Variants in PALS2 observed in about 807,000 individuals in gnomAD.
PALS2 encodes protein PALS2.
In PALS2, 27 loss-of-function variants were observed where a neutral mutation model predicts 61.6. The observed-to-expected ratio is 0.44, with a 90% confidence interval of 0.32 to 0.60. The LOEUF (loss-of-function observed/expected upper bound fraction) is 0.60. Among genes scored for constraint, PALS2 ranks in the 20% least tolerant of loss-of-function variants. The pLI, the probability that PALS2 is intolerant of heterozygous loss-of-function variation, is 0.05. For missense variants in PALS2, 554 were observed against 639.4 expected, an observed-to-expected ratio of 0.87 and a Z score of 1.44; for synonymous variants, 236 against 218.6, an observed-to-expected ratio of 1.08 and a Z score of -0.70.
intron 1 of PALS2, among the ~76,000 whole-genome samples, chr7:24,616,127 A>G (rs1394583855): frequency 6.6e-6 from 1 of 152,142 alleles, no homozygotes; most frequent in African/African-American, 2.4e-5. Context: ...TTTTCCTGTA[A>G]GGACTGGAAC....
At chr7:24,595,578 AAT>A (rs1400415731) in intron 1 of PALS2, among the ~76,000 whole-genome samples, 1 of 139,196 alleles carries the variant, frequency 7.2e-6, no homozygotes, top group Non-Finnish European at 1.5e-5. Flanking sequence ...AATATATATA[AAT>A]ATATATAAAT....
intron 2 of PALS2, 148 bp downstream of exon 2, chr7:24,623,932 CAT>C: frequency 1.0e-6 from 1 of 967,042 alleles, no homozygotes; most frequent in Non-Finnish European, 1.5e-6. Context: ...GAAATCTTAA[CAT>C]ATGCAAAAAT....
rs761028203 is a variant in PALS2, at chr7:24,641,801, C to T, written c.203C>T (p.Thr68Ile). 3 of 1,612,904 alleles carry T rather than the reference C, an allele frequency of 1.9e-6. No individual in the cohort carries two copies. The highest frequency in any genetic ancestry group is 2.5e-6 in the Non-Finnish European group (3 of 1,179,298). Residue 68 changes from threonine (T) to isoleucine (I), a missense_variant, in exon 3 of 12, where the codon ACT becomes ATT. Transcript: ENST00000222644. ...GTCAATGAAATTCTTGAAGACATCA[C>T]TCCTCTAATAAATGTGGATGAAAAT... ...ELVNEILEDI[T>I]PLINVDENVA...
At chr7:24,581,597 C>T (rs922259586) in intron 1 of PALS2, among the ~76,000 whole-genome samples, 1 of 152,114 alleles carries the variant, frequency 6.6e-6, no homozygotes, top group Non-Finnish European at 1.5e-5. Context: ...TGAACAATCT[C>T]CAGGAATATT....
intron 8 of PALS2, among the ~76,000 whole-genome samples, chr7:24,667,465 AACTT>A (rs1787082189): frequency 6.6e-6 from 1 of 152,268 alleles, no homozygotes; most frequent in East Asian, 1.9e-4. Context: ...TGTTCTGTGG[AACTT>A]ACTTAAGCAA....
At chr7:24,580,417 A>G (rs1782796210) in intron 1 of PALS2, among the ~76,000 whole-genome samples, 1 of 152,222 alleles carries the variant, frequency 6.6e-6, no homozygotes, top group Admixed American at 6.5e-5. Context: ...AAATCATTCA[A>G]CAAAGCTTTT....
intron 6 of PALS2, among the ~76,000 whole-genome samples, 153 bp from the exon 7 acceptor site, chr7:24,665,435 A>G (rs1013480691): frequency 6.6e-6 from 1 of 152,192 alleles, no homozygotes; most frequent in Non-Finnish European, 1.5e-5. Context: ...GAATTGTTTA[A>G]ATATCTTAAC....
intron 2 of PALS2, among the ~76,000 whole-genome samples, chr7:24,635,849 T>C (rs1026660099): frequency 6.6e-5 from 10 of 152,324 alleles, no homozygotes; most frequent in African/African-American, 2.4e-4. Flanking sequence ...AGTTATGCTG[T>C]AATGTGTAAT....
At position 24,607,308 on chromosome 7, in the gene PALS2, A is replaced by G. The variant is rs573871776; in HGVS notation, c.-2-16358A>G. ...GAAGCAATTCATTATTATTATTCTA[A>G]CATATAATGAAATGAAGCCCTCTTA... On this transcript the variant is annotated intron_variant, in intron 1 of 11. Transcript: ENST00000222644. Among the ~76,000 whole-genome samples the G allele has an allele frequency of 1.2e-3, 179 of 152,192 alleles. 1 individual carries two copies. The highest frequency in any genetic ancestry group is 0.01 in the Middle Eastern group (3 of 294).
chr7:24,677,722 C>T (rs1252796269), intron 9 of PALS2, among the ~76,000 whole-genome samples: 2 of 152,184 alleles, frequency 1.3e-5, no homozygotes, highest in South Asian at 2.1e-4. Context: ...ATTCCAGAAA[C>T]CTTAAAGATC....
At chr7:24,594,090 T>C (rs916589438) in intron 1 of PALS2, among the ~76,000 whole-genome samples, 8 of 152,146 alleles carry the variant, frequency 5.3e-5, no homozygotes, top group African/African-American at 1.7e-4. Flanking sequence ...AGCTTCTACA[T>C]TGGCACTTGC....
In PALS2 at chr7:24,680,620, G is replaced by C. The variant is rs532694262; in HGVS notation, c.1446+100G>C. 8.6e-6 allele frequency: 12 copies of C among 1,391,930 alleles called. No homozygotes were observed. The East Asian group carries it at 2.1e-4, about 25-fold the overall frequency. 86.2% of individuals were successfully genotyped at this position (1,391,930 alleles called of 1,614,324 possible). ...TTTTTATTTATTTATTTTTGAGGCA[G>C]AGTTTTGCTTTGTCACCCAGGCTGG... On this transcript the variant is annotated intron_variant, in intron 11 of 11. Coordinates refer to ENST00000222644, the MANE Select transcript of PALS2 (RefSeq NM_001303037.2).
intron 4 of PALS2, 139 bp from the exon 5 acceptor site, chr7:24,650,346 T>C (rs1387689511): frequency 1.4e-5 from 10 of 714,136 alleles, no homozygotes; most frequent in East Asian, 2.7e-5. Flanking sequence ...GAGTGAAATA[T>C]TGAGACAGGA....
chr7:24,678,475 G>C (rs555712217), intron 9 of PALS2, among the ~76,000 whole-genome samples: 13 of 152,308 alleles, frequency 8.5e-5, no homozygotes, highest in African/African-American at 3.1e-4. Context: ...GAAGCTAAAA[G>C]CGTTGGTTTT....
intron 2 of PALS2, among the ~76,000 whole-genome samples, chr7:24,641,003 A>T (rs997384252): frequency 1.1e-5 from 1 of 89,546 alleles, no homozygotes; most frequent in African/African-American, 5.9e-5. Flanking sequence ...GCGAGACTCC[A>T]TCTCAAAAAA....
intron 1 of PALS2, among the ~76,000 whole-genome samples, chr7:24,588,888 A>G (rs1783174633): frequency 6.6e-6 from 1 of 152,220 alleles, no homozygotes; most frequent in African/African-American, 2.4e-5. Flanking sequence ...TGTTTTTAGA[A>G]AAACAGTTTA....
chr7:24,641,998 A>C, intron 3 of PALS2, 130 bp downstream of exon 3: 1 of 987,076 alleles, frequency 1.0e-6, no homozygotes, highest in Non-Finnish European at 1.5e-6. Flanking sequence ...GTAAATTCCA[A>C]CCTTGGTATT....
rs140120247 is a variant in PALS2 at position 24,635,237 on chromosome 7, T to C, written c.118-6479T>C. Among the ~76,000 whole-genome samples the C allele has an allele frequency of 4.0e-4, 61 of 152,354 alleles. 1 individual carries two copies. Among genetic ancestry groups the C allele is most frequent in the Middle Eastern group, 3.4e-3 (1 of 294 alleles). On this transcript the variant is annotated intron_variant, in intron 2 of 11. Transcript: ENST00000222644. ...TCTTTAATTTCTTTCAACAATGTTT[T>C]ATAATTTTCAGAGTATAAATTTTGC...
intron 1 of PALS2, among the ~76,000 whole-genome samples, chr7:24,612,114 T>C (rs1784136063): frequency 6.6e-6 from 1 of 152,054 alleles, no homozygotes; most frequent in Admixed American, 6.6e-5. Flanking sequence ...AGTGTTTCTC[T>C]TTAGCTATTC....
Sources: allele counts gnomAD v4.1 joint callset (sites outside exome capture counted in the v4.1 genomes callset), GRCh38; gene constraint gnomAD v4.1.1; transcripts MANE v1.5; gene names NCBI Gene and HGNC (gene_info 2026-07-23, HGNC 2026-07-21).